The following RORA variants were observed in gnomAD, a reference collection of about 807,000 sequenced individuals.
RORA encodes the protein nuclear receptor ROR-alpha.
In RORA, 7 loss-of-function variants were observed where a neutral mutation model predicts 69.5. The observed-to-expected ratio is 0.10, with a 90% CI of 0.06 to 0.19. The LOEUF (loss-of-function observed/expected upper bound fraction) is 0.19, where lower values mean the gene tolerates loss of function less well. Among genes scored for constraint, RORA ranks in the 10% least tolerant of loss-of-function variants. RORA has a pLI of 1.00. For synonymous variants in RORA, 261 were observed against 240.8 expected, an observed-to-expected ratio of 1.08 and a Z score of -0.78; for missense variants, 457 against 663.0, an observed-to-expected ratio of 0.69 and a Z score of 3.41.
intron 1 of RORA, among the ~76,000 whole-genome samples, chr15:60,934,618 G>A (rs1367942402): frequency 6.6e-6 from 1 of 152,146 alleles, no homozygotes; most frequent in Non-Finnish European, 1.5e-5. Flanking sequence ...GGGATTACAG[G>A]TATGAGTCAA....
chr15:61,139,451 AT>A (rs1808804635), intron 1 of RORA, among the ~76,000 whole-genome samples: 1 of 152,244 alleles, frequency 6.6e-6, no homozygotes, highest in South Asian at 2.1e-4. Context: ...TAATGAAAGA[AT>A]AAAAAGTAAT....
At chr15:60,633,645 G>A (rs1466499636) in intron 2 of RORA, among the ~76,000 whole-genome samples, 2 of 152,226 alleles carry the variant, frequency 1.3e-5, no homozygotes, top group Non-Finnish European at 2.9e-5. Context: ...TTTGCCAAAA[G>A]GCAGGTGTAG....
At chr15:61,081,272 A>G (rs989275168) in intron 1 of RORA, among the ~76,000 whole-genome samples, 1 of 152,154 alleles carries the variant, frequency 6.6e-6, no homozygotes, top group Non-Finnish European at 1.5e-5. Flanking sequence ...TGAAAAGGCT[A>G]ACTTTGTCTG....
At chr15:60,726,502 T>C (rs1197987957) in intron 1 of RORA, among the ~76,000 whole-genome samples, 4 of 152,230 alleles carry the variant, frequency 2.6e-5, no homozygotes, top group Admixed American at 1.3e-4. Flanking sequence ...TTACCCAGGC[T>C]CCAGCTTACG....
rs961276975 is a variant in RORA at position 60,905,159 on chromosome 15, T to C, written c.167-226473A>G. ...TACATAAACTGACATCAACCCCTCT[T>C]CTTCTTTTAATTGATATGCAGTCTT... On this transcript the variant is annotated intron_variant, in intron 1 of 10. Coordinates refer to ENST00000335670, the MANE Select transcript of RORA (RefSeq NM_134261.3). The surrounding 1 kb of genome is among the most constrained non-coding windows in gnomAD (Gnocchi z 4.8). Among the ~76,000 whole-genome samples the C allele has an allele frequency of 6.6e-6, 1 of 152,188 alleles. No individual in the cohort carries two copies. Among genetic ancestry groups the C allele is most frequent in the African/African-American group, 2.4e-5 (1 of 41,446 alleles).
chr15:60,758,764 A>T (rs538087314), intron 1 of RORA, among the ~76,000 whole-genome samples: 1 of 152,330 alleles, frequency 6.6e-6, no homozygotes, highest in Admixed American at 6.5e-5. Context: ...CTGCAAAGTC[A>T]TCCTCAAATT....
intron 1 of RORA, among the ~76,000 whole-genome samples, chr15:61,137,634 T>C (rs1047965018): frequency 6.6e-6 from 1 of 152,158 alleles, no homozygotes; most frequent in East Asian, 1.9e-4. Flanking sequence ...CAAACACACC[T>C]CCTCTTGGGC....
chr15:60,894,987 T>G (rs187744170), intron 1 of RORA, among the ~76,000 whole-genome samples: 107 of 152,272 alleles, frequency 7.0e-4, no homozygotes, highest in African/African-American at 2.3e-3. Context: ...TACAGTCACC[T>G]CTAAAAAGAT....
At chr15:60,547,928 G>T (rs1342114110) in intron 2 of RORA, 1 of 152,120 alleles carries the variant, frequency 6.6e-6, no homozygotes, top group Non-Finnish European at 1.5e-5. Flanking sequence ...AATAAAATCA[G>T]CTTCATTACC....
intron 1 of RORA, among the ~76,000 whole-genome samples, chr15:61,188,308 G>C (rs2079763948): frequency 6.6e-6 from 1 of 152,186 alleles, no homozygotes; most frequent in African/African-American, 2.4e-5. Context: ...CCCAGGCAAT[G>C]TGTCAACAAG....
intron 1 of RORA, among the ~76,000 whole-genome samples, chr15:61,175,692 G>A (rs926235932): frequency 4.6e-5 from 7 of 151,972 alleles, no homozygotes; most frequent in African/African-American, 1.2e-4. Flanking sequence ...ACTCCAACCC[G>A]GGACACAGAG....
chr15:61,163,520 G>A (rs1027666855), intron 1 of RORA, among the ~76,000 whole-genome samples: 2 of 152,192 alleles, frequency 1.3e-5, no homozygotes, highest in Non-Finnish European at 2.9e-5. Context: ...ACATAGACCT[G>A]AGTCTAATTG....
intron 1 of RORA, among the ~76,000 whole-genome samples, chr15:60,783,244 A>G (rs908944012): frequency 3.9e-5 from 6 of 152,186 alleles, no homozygotes; most frequent in African/African-American, 1.4e-4. Context: ...CTTTTTTTTA[A>G]TATACCAAAG....
rs973169866 is a variant in RORA at position 60,916,914 on chromosome 15, C to A, written c.167-238228G>T. ...TTATTGCAACTAGAATATTTCTCAA[C>A]CAACATCCTTCTTAATAAAGTCTAA... On this transcript the variant is annotated intron_variant, in intron 1 of 10. Coordinates refer to ENST00000335670, the MANE Select transcript of RORA (RefSeq NM_134261.3). Among the ~76,000 whole-genome samples, 5 of 152,214 alleles carry A rather than the reference C, an allele frequency of 3.3e-5. No individual in the cohort carries two copies. The East Asian group carries it at 9.6e-4, about 29-fold the overall frequency.
intron 3 of RORA, chr15:60,528,501 T>A (rs1403021695): frequency 6.6e-6 from 1 of 152,254 alleles, no homozygotes; most frequent in African/African-American, 2.4e-5. Flanking sequence ...TGTGGTCTTC[T>A]ATGTCTTTGG....
chr15:60,712,883 T>C (rs939661589), intron 1 of RORA, among the ~76,000 whole-genome samples: 1 of 152,150 alleles, frequency 6.6e-6, no homozygotes, highest in African/African-American at 2.4e-5. Flanking sequence ...ACCCTGAAGA[T>C]GAAAATACTA....
intron 1 of RORA, among the ~76,000 whole-genome samples, chr15:60,791,794 G>C (rs904733943): frequency 6.6e-6 from 1 of 152,216 alleles, no homozygotes; most frequent in Admixed American, 6.5e-5. Context: ...TGGAATTTGA[G>C]TCCAGGCAAG....
chr15:61,184,758 G>A (rs2079723263), intron 1 of RORA, among the ~76,000 whole-genome samples: 1 of 152,034 alleles, frequency 6.6e-6, no homozygotes, highest in Non-Finnish European at 1.5e-5. Context: ...GCCAAGGTGG[G>A]AGAATTACTT....
chr15:61,177,689 G>A (rs999357538), intron 1 of RORA, among the ~76,000 whole-genome samples: 1 of 152,076 alleles, frequency 6.6e-6, no homozygotes, highest in South Asian at 2.1e-4. Flanking sequence ...AGTTGCTCAC[G>A]CCTATAATCC....
Sources: allele counts gnomAD v4.1 joint callset (sites outside exome capture counted in the v4.1 genomes callset), GRCh38; gene constraint gnomAD v4.1.1; non-coding constraint Gnocchi (gnomAD v3.1); transcripts MANE v1.5; gene names NCBI Gene and HGNC (gene_info 2026-07-23, HGNC 2026-07-21).